The following EIPR1 variants were observed in gnomAD, a reference collection of about 807,000 sequenced individuals.
The protein encoded by EIPR1 is EARP and GARP complex-interacting protein 1.
In EIPR1, 25 loss-of-function variants were observed where a neutral mutation model predicts 48.1. The observed-to-expected ratio is 0.52, with a 90% CI of 0.38 to 0.73. The LOEUF is 0.73. Ranked by LOEUF, EIPR1 falls within the 30% of genes least tolerant of loss-of-function variation. The pLI is 0.00. For missense variants in EIPR1, 415 were observed against 506.2 expected, an observed-to-expected ratio of 0.82 and a Z score of 1.73; for synonymous variants, 204 against 201.9, an observed-to-expected ratio of 1.01 and a Z score of -0.09.
At chr2:3,208,853 G>A (rs1665334496) in intron 5 of EIPR1, 6 of 1,550,350 alleles carry the variant, frequency 3.9e-6, no homozygotes, top group East Asian at 2.4e-5. Flanking sequence ...GGCCATCCCT[G>A]TTCCCCGACT....
At chr2:3,338,936 CAA>C (rs1462152252) in intron 2 of EIPR1, among the ~76,000 whole-genome samples, 1 of 152,094 alleles carries the variant, frequency 6.6e-6, no homozygotes, top group Non-Finnish European at 1.5e-5. Flanking sequence ...TGGGTCTACA[CAA>C]AAGATTTATA....
chr2:3,310,615 T>A (rs1280310747), intron 3 of EIPR1, among the ~76,000 whole-genome samples: 2 of 132,762 alleles, frequency 1.5e-5, no homozygotes, highest in African/African-American at 5.9e-5. Flanking sequence ...ATCCCGCCAC[T>A]GCACTCCAGC....
At chr2:3,332,559 T>A (rs1669933158) in intron 3 of EIPR1, among the ~76,000 whole-genome samples, 1 of 152,208 alleles carries the variant, frequency 6.6e-6, no homozygotes, top group Non-Finnish European at 1.5e-5. Context: ...CACAGCCATG[T>A]CCAACCCACA....
chr2:3,257,523 A>G lies in EIPR1; in HGVS notation c.260-68T>C. 3 of 1,565,128 alleles carry G rather than the reference A, an allele frequency of 1.9e-6. No individual in the cohort carries two copies. The South Asian group carries it at 3.5e-5, about 18-fold the overall frequency. ...GTGCCCCGCATTCTGCAGACAGCAC[A>G]CGCACATTTACACAAATCCATAAGC... On this transcript the variant is annotated intron_variant, in intron 3 of 8. Coordinates refer to ENST00000382125, the MANE Select transcript of EIPR1 (RefSeq NM_003310.5).
At chr2:3,232,545 A>G (rs1233365052) in intron 4 of EIPR1, among the ~76,000 whole-genome samples, 1 of 151,930 alleles carries the variant, frequency 6.6e-6, no homozygotes, top group Non-Finnish European at 1.5e-5. Context: ...TCCTGTTTCA[A>G]TGTTGGTCTC....
intron 7 of EIPR1, 117 bp downstream of exon 7, chr2:3,193,882 T>C (rs1664697181): frequency 5.4e-6 from 6 of 1,104,722 alleles, no homozygotes; most frequent in Non-Finnish European, 7.6e-6. Context: ...ACTGGGTTGA[T>C]TGAATGATTC....
At chr2:3,318,455 T>C (rs150854758) in intron 3 of EIPR1, among the ~76,000 whole-genome samples, 15 of 152,272 alleles carry the variant, frequency 9.9e-5, no homozygotes, top group South Asian at 6.2e-4. Flanking sequence ...CACTGCCAGA[T>C]GACACTGAAT....
At chr2:3,207,806 GAAGACTAAT>G (rs1262347466) in intron 5 of EIPR1, 1 of 152,160 alleles carries the variant, frequency 6.6e-6, no homozygotes, top group Non-Finnish European at 1.5e-5. Flanking sequence ...AATCTGAGTG[GAAGACTAAT>G]AAGAAAATGC....
chr2:3,241,120 G>C (rs1451057577), intron 4 of EIPR1, among the ~76,000 whole-genome samples: 1 of 148,728 alleles, frequency 6.7e-6, no homozygotes, highest in African/African-American at 2.5e-5. Flanking sequence ...CCTTCCTAAA[G>C]AAAAGCAGCA....
intron 1 of EIPR1, among the ~76,000 whole-genome samples, chr2:3,373,146 T>A (rs1471134573): frequency 2.0e-5 from 3 of 151,350 alleles, no homozygotes; most frequent in Non-Finnish European, 2.9e-5. Flanking sequence ...ATTATCTCAA[T>A]AGATGCAGAA....
intron 4 of EIPR1, among the ~76,000 whole-genome samples, chr2:3,245,051 T>C (rs1295679331): frequency 1.3e-5 from 2 of 152,234 alleles, no homozygotes; most frequent in African/African-American, 4.8e-5. Context: ...CGCCTGTACT[T>C]TGCATTTTAC....
intron 5 of EIPR1, among the ~76,000 whole-genome samples, chr2:3,203,750 A>C (rs1665129218): frequency 6.6e-6 from 1 of 152,164 alleles, no homozygotes; most frequent in Non-Finnish European, 1.5e-5. Context: ...AGCGGATTAG[A>C]TGAGAAGAGA....
rs573246351 is a variant in EIPR1 at position 3,284,380 on chromosome 2, C to T, written c.260-26925G>A. Among the ~76,000 whole-genome samples, 465 of 134,148 alleles carry T rather than the reference C, an allele frequency of 3.5e-3. 1 individual carries two copies. Among genetic ancestry groups the T allele is most frequent in the Non-Finnish European group, 5.4e-3 (335 of 62,102 alleles). The allele number at this position is 134,148 out of a possible 152,430, so 88.0% of individuals were successfully genotyped here. A position where few individuals can be genotyped will look rare whatever the true frequency, so the allele number is the denominator to read the frequency against. On this transcript the variant is annotated intron_variant, in intron 3 of 8. Transcript: ENST00000382125. ...GAGGCCGCCCACAGGCACAGAAGGCCGCGCCACGGCTGCACGTAAGCTGGG... is the reference window on the plus strand; with the variant it reads ...GAGGCCGCCCACAGGCACAGAAGGCTGCGCCACGGCTGCACGTAAGCTGGG...
intron 5 of EIPR1, among the ~76,000 whole-genome samples, chr2:3,213,542 C>T (rs988718090): frequency 5.9e-5 from 9 of 152,096 alleles, no homozygotes; most frequent in Non-Finnish European, 8.8e-5. Flanking sequence ...ATGATTTTAC[C>T]CAAATATATT....
chr2:3,228,310 C>G (rs1289232695), intron 4 of EIPR1, among the ~76,000 whole-genome samples: 4 of 152,264 alleles, frequency 2.6e-5, no homozygotes, highest in African/African-American at 9.6e-5. Flanking sequence ...GGTTTAATGA[C>G]TGCTCTGTTG....
chr2:3,219,672 T>A (rs925532747), intron 4 of EIPR1, among the ~76,000 whole-genome samples: 1 of 144,384 alleles, frequency 6.9e-6, no homozygotes, highest in African/African-American at 2.6e-5. Context: ...GCATTCACAG[T>A]GACTCAGGTG....
intron 2 of EIPR1, among the ~76,000 whole-genome samples, chr2:3,342,134 A>C (rs1206902042): frequency 6.6e-6 from 1 of 152,234 alleles, no homozygotes; most frequent in Non-Finnish European, 1.5e-5. Context: ...AATCTGCCCC[A>C]AAGAATAAAT....
chr2:3,227,201 G>C (rs968353008), intron 4 of EIPR1, among the ~76,000 whole-genome samples: 1 of 152,218 alleles, frequency 6.6e-6, no homozygotes, highest in Non-Finnish European at 1.5e-5. Context: ...CCTACCTGGA[G>C]ACTTGGAGGG....
intron 4 of EIPR1, among the ~76,000 whole-genome samples, chr2:3,230,385 C>T (rs182123565): frequency 1.2e-4 from 19 of 152,216 alleles, no homozygotes; most frequent in East Asian, 1.2e-3. Flanking sequence ...AGAAAAGACA[C>T]GCTGCAGCTG....
Sources: allele counts gnomAD v4.1 joint callset (sites outside exome capture counted in the v4.1 genomes callset), GRCh38; gene constraint gnomAD v4.1.1; transcripts MANE v1.5; gene names NCBI Gene and HGNC (gene_info 2026-07-23, HGNC 2026-07-21).